The following GNL3L variants were observed in gnomAD, a reference collection of about 807,000 sequenced individuals.
GNL3L encodes the protein G protein nucleolar 3 like, also known as guanine nucleotide-binding protein-like 3-like protein.
Under a neutral mutation model 42.9 loss-of-function variants are expected in GNL3L, and 4 were observed. The observed-to-expected ratio is 0.09, with a 90% confidence interval of 0.05 to 0.21. The LOEUF (loss-of-function observed/expected upper bound fraction) is 0.21. Among genes scored for constraint, GNL3L ranks in the 10% least tolerant of loss-of-function variants. GNL3L has a pLI of 1.00. For synonymous variants in GNL3L, 159 were observed against 176.3 expected, an observed-to-expected ratio of 0.90 and a Z score of 0.78; for missense variants, 412 against 481.7, an observed-to-expected ratio of 0.86 and a Z score of 1.36.
the GNL3L span, among the ~76,000 whole-genome samples, chrX:54,627,189 A>C: frequency 9.0e-6 from 1 of 110,526 alleles, no homozygotes; most frequent in Admixed American, 9.7e-5. Context: ...TTGTATTTTT[A>C]GTAGAGATGG....
the GNL3L span, among the ~76,000 whole-genome samples, chrX:54,628,995 A>T: frequency 9.6e-6 from 1 of 104,429 alleles, no homozygotes; most frequent in Admixed American, 1.1e-4. Context: ...TTTATATATA[A>T]AAATTATATA....
Position 54,536,088 on chromosome X carries a change from C to T in GNL3L, c.20-2952C>T, listed in dbSNP as rs192147239. On this transcript the variant is annotated intron_variant, in intron 2 of 15. Coordinates refer to ENST00000360845, the MANE Select transcript of GNL3L (RefSeq NM_001184819.2). ...GATTACAGGTGCGTGCCAACACGCC[C>T]GGCTAATTTTTGTATTTTTAGTAGA... Among the ~76,000 whole-genome samples the T allele has an allele frequency of 9.3e-3, 1,035 of 110,955 alleles. 10 individuals are homozygous for T. Among genetic ancestry groups the T allele is most frequent in the Non-Finnish European group, 0.014 (763 of 52,971 alleles).
In GNL3L at chrX:54,577,423, C is replaced by CT. The variant is rs752102871; in HGVS notation, c.*45+16785dup. On this transcript the variant is annotated intron_variant, in intron 16 of 16. Coordinates refer to the GNL3L transcript ENST00000674498. ...ATAACATCATTATCTCACATGGTAA[C>CT]TTTTTTTTTGTTTGGTGAGAATACT... 4.7e-3 allele frequency among the ~76,000 whole-genome samples: 519 copies of CT among 110,813 alleles called. 2 individuals are homozygous for CT. The highest frequency in any genetic ancestry group is 0.015 in the African/African-American group (471 of 30,560).
intron 16 of GNL3L, among the ~76,000 whole-genome samples, chrX:54,619,561 G>A (rs984662141): frequency 8.2e-5 from 9 of 110,265 alleles, no homozygotes; most frequent in Admixed American, 2.9e-4. Context: ...TCACTGTATT[G>A]CTCAGGCTGG....
At chrX:54,627,856 A>G in the GNL3L span, among the ~76,000 whole-genome samples, 1 of 110,785 alleles carries the variant, frequency 9.0e-6, no homozygotes, top group Non-Finnish European at 1.9e-5. Context: ...TTTTATTTCA[A>G]TAGTTTTTGG....
intron 1 of GNL3L, among the ~76,000 whole-genome samples, chrX:54,530,720 G>GAC (rs1336961288): frequency 1.8e-5 from 2 of 111,988 alleles, no homozygotes; most frequent in African/African-American, 6.5e-5. Flanking sequence ...ACCGTGTAGA[G>GAC]ACATCTCCCT....
At chrX:54,571,386 G>A (rs1430084454), downstream of GNL3L, among the ~76,000 whole-genome samples, 2 of 108,814 alleles carry the variant, frequency 1.8e-5, no homozygotes, top group Non-Finnish European at 3.8e-5. Context: ...TAGTAGAGAT[G>A]GGGTTTTACC....
At chrX:54,570,887 A>C (rs1311069665), downstream of GNL3L, among the ~76,000 whole-genome samples, 3 of 111,635 alleles carry the variant, frequency 2.7e-5, no homozygotes, top group African/African-American at 6.5e-5. Context: ...TAAATAATAG[A>C]AAATAATTAT....
chrX:54,631,092 C>T, the GNL3L span, among the ~76,000 whole-genome samples: 12 of 110,959 alleles, frequency 1.1e-4, no homozygotes, highest in Admixed American at 4.8e-4. Flanking sequence ...CAGGCATGAG[C>T]CACCTCTCCT....
intron 16 of GNL3L, among the ~76,000 whole-genome samples, chrX:54,598,870 T>C (rs1444553175): frequency 9.0e-6 from 1 of 111,632 alleles, no homozygotes; most frequent in Non-Finnish European, 1.9e-5. Context: ...TGAATAACTA[T>C]AGACTACTTC....
chrX:54,584,081 AT>A (rs36085364), intron 16 of GNL3L, among the ~76,000 whole-genome samples: 6,825 of 94,477 alleles, frequency 0.072, 516 homozygotes, highest in African/African-American at 0.23. Context: ...TCTTCTAATG[AT>A]TTTTTTTTTT....
At chrX:54,599,103 T>C (rs1375463422) in intron 16 of GNL3L, among the ~76,000 whole-genome samples, 1 of 111,631 alleles carries the variant, frequency 9.0e-6, no homozygotes, top group African/African-American at 3.2e-5. Context: ...GGAGAAAATC[T>C]CAAACCAGAG....
intron 16 of GNL3L, among the ~76,000 whole-genome samples, chrX:54,597,141 G>A (rs139439345): frequency 0.027 from 3,023 of 111,419 alleles, 108 homozygotes; most frequent in African/African-American, 0.095. Flanking sequence ...AGCTGGTAAT[G>A]TGCTGAGTCT....
chrX:54,635,734 TAAA>T, the GNL3L span, among the ~76,000 whole-genome samples: 1 of 90,778 alleles, frequency 1.1e-5, no homozygotes, highest in Admixed American at 1.2e-4. Context: ...TGTCAGGAAC[TAAA>T]AAAAAAAAAA....
rs191880651 is a variant in GNL3L at position 54,560,870 on chromosome X, G to A, written c.*268G>A. ...AGCCTGGCCAACATGGTGAAACCCC[G>A]TCTCTACTAAAAATACAAAAAAATT... On this transcript the variant is annotated 3_prime_UTR_variant, in exon 16 of 16. Transcript: ENST00000360845. 5.1e-3 allele frequency: 923 copies of A among 181,093 alleles called. 26 individuals carry two copies. In the Admixed American group the frequency reaches 0.06, roughly 12 times the overall value. 14.9% of individuals were successfully genotyped at this position (181,093 alleles called of 1,213,427 possible).
At chrX:54,596,927 C>T (rs1925937695) in intron 16 of GNL3L, among the ~76,000 whole-genome samples, 1 of 111,110 alleles carries the variant, frequency 9.0e-6, no homozygotes, top group African/African-American at 3.3e-5. Flanking sequence ...TGCTTCCTGG[C>T]CTGGGACTCA....
At chrX:54,644,449 A>G in the GNL3L span, among the ~76,000 whole-genome samples, 1 of 112,115 alleles carries the variant, frequency 8.9e-6, no homozygotes, top group Admixed American at 9.5e-5. Flanking sequence ...TTGGGGTAGG[A>G]TTTAGGACAG....
Position 54,542,990 on chromosome X carries a change from G to T in GNL3L, c.342G>T (p.Gln114His). ...TGCAGGAATTAAATATGTTTCCTCA[G>T]CTGGATGACGAGGCCACGAGGAAGG... ...EVLQELNMFPQLDDEATRKAY... is the reference protein window; with the variant it reads ...EVLQELNMFPHLDDEATRKAY... The change falls in exon 6 of 16, where the codon CAG (glutamine) becomes CAT (histidine). Residue 114 changes from glutamine to histidine, a missense_variant. Coordinates refer to ENST00000360845, the MANE Select transcript of GNL3L (RefSeq NM_001184819.2). The T allele has an allele frequency of 2.5e-6, 3 of 1,193,630 alleles. No homozygotes were observed. The highest frequency in any genetic ancestry group is 3.4e-6 in the Non-Finnish European group (3 of 879,580).
At chrX:54,618,051 T>TA (rs778174748) in intron 16 of GNL3L, among the ~76,000 whole-genome samples, 1 of 110,344 alleles carries the variant, frequency 9.1e-6, no homozygotes, top group East Asian at 2.8e-4. Flanking sequence ...AGCTCTCAGT[T>TA]AAAAAAAATC....
Sources: gnomAD v4.1 joint callset for allele counts (sites outside exome capture counted in the v4.1 genomes callset) on GRCh38, gnomAD v4.1.1 for gene constraint, MANE v1.5 for transcripts, NCBI Gene and HGNC (gene_info 2026-07-23, HGNC 2026-07-21) for gene names.